Variants in CUX2 observed in about 807,000 individuals in gnomAD.
CUX2 encodes cut like homeobox 2.
In CUX2, 40 loss-of-function variants were observed where a neutral mutation model predicts 144.8. That is an observed-to-expected ratio of 0.28 (90% CI 0.21 to 0.36). The LOEUF (loss-of-function observed/expected upper bound fraction) is 0.36, where lower values mean the gene tolerates loss of function less well. Among genes scored for constraint, CUX2 ranks in the 10% least tolerant of loss-of-function variants. The pLI is 1.00. For synonymous variants in CUX2, 827 were observed against 875.6 expected, an observed-to-expected ratio of 0.94 and a Z score of 0.98; for missense variants, 1,615 against 1,994.0, an observed-to-expected ratio of 0.81 and a Z score of 3.62.
intron 1 of CUX2, among the ~76,000 whole-genome samples, chr12:111,179,268 C>A (rs1879022844): frequency 6.6e-6 from 1 of 152,184 alleles, no homozygotes; most frequent in Non-Finnish European, 1.5e-5. Flanking sequence ...AAATCACTTC[C>A]CCTCTCTGAG....
chr12:111,249,400 C>CTTT (rs778334868), intron 3 of CUX2, among the ~76,000 whole-genome samples: 1 of 80,114 alleles, frequency 1.2e-5, no homozygotes, highest in African/African-American at 4.7e-5. Context: ...GTGCTATTGC[C>CTTT]TTTTTTTTTT....
chr12:111,322,729 G>A lies in CUX2; in HGVS notation c.2926+149G>A. The A allele has an allele frequency of 9.5e-7, 1 of 1,049,614 alleles. No homozygotes were observed. Among genetic ancestry groups the A allele is most frequent in the Non-Finnish European group, 1.4e-6 (1 of 732,434 alleles). The allele number at this position is 1,049,614 out of a possible 1,614,324, so 65.0% of individuals were successfully genotyped here. On this transcript the variant is annotated intron_variant, in intron 18 of 21. Transcript: ENST00000261726. The surrounding 1 kb of genome is among the most constrained non-coding windows in gnomAD (Gnocchi z 4.2). ...CCCAGTCACTGTCATGGCTGCACTG[G>A]AACATGGCGGGGGGTCCTGGGGTTT...
intron 1 of CUX2, among the ~76,000 whole-genome samples, chr12:111,047,296 C>T (rs1870044799): frequency 6.6e-6 from 1 of 152,112 alleles, no homozygotes; most frequent in Non-Finnish European, 1.5e-5. Flanking sequence ...TAAATCGTGT[C>T]GTTGATAAAG....
At chr12:111,318,060 T>C (rs959577247) in intron 16 of CUX2, among the ~76,000 whole-genome samples, 2 of 151,632 alleles carry the variant, frequency 1.3e-5, no homozygotes, top group Admixed American at 6.6e-5. Context: ...TTGTTTTTGT[T>C]GTTGTTGTTG....
intron 3 of CUX2, among the ~76,000 whole-genome samples, chr12:111,245,483 A>T (rs182422544): frequency 2.0e-4 from 30 of 152,106 alleles, no homozygotes; most frequent in African/African-American, 6.7e-4. Context: ...TAAACCAGAC[A>T]TGGTGGCACA....
At chr12:111,328,982 T>TCCCCCC (rs1887963268) in intron 18 of CUX2, among the ~76,000 whole-genome samples, 1 of 78,224 alleles carries the variant, frequency 1.3e-5, no homozygotes, top group African/African-American at 7.7e-5. Context: ...TCTCCCCCTC[T>TCCCCCC]CTCCCTCTCT....
At chr12:111,172,542 G>A (rs1177265003) in intron 1 of CUX2, among the ~76,000 whole-genome samples, 1 of 152,166 alleles carries the variant, frequency 6.6e-6, no homozygotes, top group Non-Finnish European at 1.5e-5. Flanking sequence ...GATGGAAATG[G>A]CTCTATCTGG....
rs1408203187 is a variant in CUX2 at position 111,034,831 on chromosome 12, T to C, written c.63+591T>C. On this transcript the variant is annotated intron_variant, in intron 1 of 21. Coordinates refer to ENST00000261726, the MANE Select transcript of CUX2 (RefSeq NM_015267.4). The surrounding 1 kb of genome is among the most constrained non-coding windows in gnomAD (Gnocchi z 4.2). ...CCTCAGCCTTCGCCGCCCGCCTGGC[T>C]GCGCAGCCCGGACGCGCCGCCACCC... 6.7e-6 allele frequency among the ~76,000 whole-genome samples: 1 copy of C among 148,860 alleles called. No homozygotes were observed. Among genetic ancestry groups the C allele is most frequent in the South Asian group, 2.1e-4 (1 of 4,832 alleles).
chr12:111,331,129 G>A (rs959270414), intron 18 of CUX2, among the ~76,000 whole-genome samples: 6 of 152,048 alleles, frequency 3.9e-5, no homozygotes, highest in African/African-American at 1.4e-4. Context: ...AGGGAGTTCA[G>A]AGCCTTAATC....
chr12:111,050,036 A>G (rs1870185844), intron 1 of CUX2, among the ~76,000 whole-genome samples: 1 of 152,078 alleles, frequency 6.6e-6, no homozygotes, highest in Non-Finnish European at 1.5e-5. Flanking sequence ...AGGGTATATG[A>G]AGGAAGGCAG....
chr12:111,126,211 C>G (rs149990166), intron 1 of CUX2, among the ~76,000 whole-genome samples: 1 of 151,610 alleles, frequency 6.6e-6, no homozygotes, highest in Non-Finnish European at 1.5e-5. Flanking sequence ...CAGGTTCAAG[C>G]GATTCTCCTG....
At chr12:111,292,128 CA>C (rs1231043471) in intron 5 of CUX2, among the ~76,000 whole-genome samples, 2 of 152,202 alleles carry the variant, frequency 1.3e-5, no homozygotes, top group African/African-American at 2.4e-5. Context: ...AGGCTCAAAA[CA>C]GTGTACACAA....
chr12:111,166,055 G>C (rs1184428649), intron 1 of CUX2, among the ~76,000 whole-genome samples: 2 of 152,170 alleles, frequency 1.3e-5, no homozygotes, highest in Non-Finnish European at 2.9e-5. Context: ...GTGTCTCGCT[G>C]TCACCCAGGC....
intron 1 of CUX2, among the ~76,000 whole-genome samples, chr12:111,109,039 G>A (rs1015915276): frequency 1.6e-4 from 25 of 152,206 alleles, no homozygotes; most frequent in African/African-American, 6.0e-4. Flanking sequence ...TGATTGGTGG[G>A]TTCAGGAGCT....
At chr12:111,334,186 TAA>T (rs11383956) in intron 18 of CUX2, among the ~76,000 whole-genome samples, 3 of 143,388 alleles carry the variant, frequency 2.1e-5, no homozygotes, top group Non-Finnish European at 3.1e-5. Context: ...GACTCCGTCT[TAA>T]AAAAAAAAAA....
chr12:111,151,689 C>T (rs1877058854), intron 1 of CUX2, among the ~76,000 whole-genome samples: 2 of 152,112 alleles, frequency 1.3e-5, no homozygotes, highest in African/African-American at 4.8e-5. Flanking sequence ...TGCTGAGGGA[C>T]AGCCAGAGAG....
At chr12:111,042,172 G>A (rs1017072464) in intron 1 of CUX2, among the ~76,000 whole-genome samples, 2 of 152,260 alleles carry the variant, frequency 1.3e-5, no homozygotes, top group Non-Finnish European at 2.9e-5. Flanking sequence ...AAGACTCTGT[G>A]AGCCGCCGTC....
chr12:111,306,858 AG>A (rs1886609471), intron 10 of CUX2, 62 bp from the exon 11 acceptor site: 1 of 1,363,188 alleles, frequency 7.3e-7, no homozygotes, highest in Non-Finnish European at 1.0e-6. Context: ...AGGGGTGGGG[AG>A]GCCAGACCTG....
chr12:111,263,823 A>G lies in CUX2; in HGVS notation c.285A>G (p.Gln95=), dbSNP rs769065474. Residue 95 remains glutamine (Q), a synonymous_variant, in exon 4 of 22, where the codon CAA becomes CAG. Transcript: ENST00000261726. The surrounding 1 kb of genome is among the most constrained non-coding windows in gnomAD (Gnocchi z 4.0). ...AEAAFLSVYK[Q]LIEAPDPVPV... ...CTGCTTTTCTGAGTGTTTACAAGCA[A>G]TTAATTGAAGCACCAGGTAAGAAAT... The G allele has an allele frequency of 1.9e-6, 3 of 1,614,068 alleles. No homozygotes were observed. The highest frequency in any genetic ancestry group is 3.3e-5 in the Admixed American group (2 of 60,020).
Sources: allele counts gnomAD v4.1 joint callset (sites outside exome capture counted in the v4.1 genomes callset), GRCh38; gene constraint gnomAD v4.1.1; non-coding constraint Gnocchi (gnomAD v3.1); transcripts MANE v1.5; gene names NCBI Gene and HGNC (gene_info 2026-07-23, HGNC 2026-07-21).